The following OSTN variants were observed in gnomAD, a reference collection of about 807,000 sequenced individuals.
OSTN encodes osteocrin.
A neutral mutation model predicts 12.0 loss-of-function variants in OSTN; 9 were observed. The observed-to-expected ratio is 0.75, with a 90% CI of 0.45 to 1.30. The LOEUF is 1.30. OSTN is among the 50% of genes most tolerant of loss of function. The pLI is 0.00. For missense variants in OSTN, 148 were observed against 152.3 expected, an observed-to-expected ratio of 0.97 and a Z score of 0.15; for synonymous variants, 59 against 56.9, an observed-to-expected ratio of 1.04 and a Z score of -0.16.
chr3:191,233,568 C>G (rs1379150567), intron 3 of OSTN, among the ~76,000 whole-genome samples: 1 of 152,130 alleles, frequency 6.6e-6, no homozygotes, highest in African/African-American at 2.4e-5. Flanking sequence ...TACCAAGTAG[C>G]TGGGACTCCT....
chr3:191,262,737 T>C (rs1165205771), intron 4 of OSTN, 129 bp from the exon 5 acceptor site: 8 of 540,386 alleles, frequency 1.5e-5, no homozygotes, highest in Admixed American at 3.2e-5. Context: ...AAAATTGCCA[T>C]GTAAATAAAG....
chr3:191,213,062 G>C (rs928524923), intron 2 of OSTN, among the ~76,000 whole-genome samples: 4 of 151,298 alleles, frequency 2.6e-5, no homozygotes, highest in Admixed American at 2.6e-4. Context: ...GTAGAGACAG[G>C]GTTTCACCAT....
chr3:191,210,743 T>G (rs1335907380), intron 1 of OSTN, among the ~76,000 whole-genome samples: 1 of 152,186 alleles, frequency 6.6e-6, no homozygotes, highest in Admixed American at 6.5e-5. Context: ...TAGAGTTTCT[T>G]GAGACTTGTC....
At chr3:191,248,553 T>C (rs1029315935) in intron 3 of OSTN, among the ~76,000 whole-genome samples, 42 of 150,892 alleles carry the variant, frequency 2.8e-4, no homozygotes, top group African/African-American at 1.0e-3. Context: ...GCAAATATTT[T>C]CTTGACTGTT....
intron 2 of OSTN, among the ~76,000 whole-genome samples, chr3:191,218,520 A>G (rs948464440): frequency 3.3e-5 from 5 of 152,166 alleles, no homozygotes; most frequent in African/African-American, 1.2e-4. Context: ...CTACTTGGGA[A>G]GCCGAAGCAG....
chr3:191,199,524 A>G (rs1222646583), intron 1 of OSTN, among the ~76,000 whole-genome samples: 1 of 152,032 alleles, frequency 6.6e-6, no homozygotes, highest in Non-Finnish European at 1.5e-5. Context: ...TATTTATAAG[A>G]TTGCTTTTCT....
intron 3 of OSTN, among the ~76,000 whole-genome samples, chr3:191,235,353 G>A (rs930630232): frequency 6.6e-6 from 1 of 152,206 alleles, no homozygotes; most frequent in African/African-American, 2.4e-5. Context: ...CATCCTGGAA[G>A]GCTTCAGTGG....
chr3:191,247,764 T>A (rs1479140763), intron 3 of OSTN, among the ~76,000 whole-genome samples: 1 of 152,240 alleles, frequency 6.6e-6, no homozygotes, highest in Non-Finnish European at 1.5e-5. Flanking sequence ...TTAGAACTTA[T>A]CAATGTTTAT....
intron 3 of OSTN, among the ~76,000 whole-genome samples, chr3:191,219,236 A>G (rs989823047): frequency 1.3e-5 from 2 of 152,196 alleles, no homozygotes; most frequent in Non-Finnish European, 2.9e-5. Context: ...ATAAGACATT[A>G]CTGCATTTGG....
At chr3:191,202,756 A>G (rs905235429) in intron 1 of OSTN, among the ~76,000 whole-genome samples, 1 of 152,228 alleles carries the variant, frequency 6.6e-6, no homozygotes, top group African/African-American at 2.4e-5. Context: ...TGGAACGGCC[A>G]GCCGATATGT....
intron 4 of OSTN, among the ~76,000 whole-genome samples, chr3:191,255,084 G>C (rs1190465190): frequency 6.6e-6 from 1 of 152,150 alleles, no homozygotes; most frequent in Non-Finnish European, 1.5e-5. Flanking sequence ...GGGAGGAAAT[G>C]GTTTTGGGAT....
chr3:191,220,856 T>C, intron 3 of OSTN, among the ~76,000 whole-genome samples: 1 of 152,308 alleles, frequency 6.6e-6, no homozygotes. Flanking sequence ...ATAAATACTA[T>C]AGTATACTAA....
At chr3:191,258,539 C>T (rs980938928) in intron 4 of OSTN, among the ~76,000 whole-genome samples, 1 of 151,410 alleles carries the variant, frequency 6.6e-6, no homozygotes, top group Non-Finnish European at 1.5e-5. Context: ...ACACCAAATG[C>T]ACGCGGGGTT....
chr3:191,238,006 G>C (rs1715234473), intron 3 of OSTN, among the ~76,000 whole-genome samples: 1 of 152,176 alleles, frequency 6.6e-6, no homozygotes, highest in Non-Finnish European at 1.5e-5. Context: ...AAGGTAAAAA[G>C]TCTAACATTT....
intron 1 of OSTN, among the ~76,000 whole-genome samples, chr3:191,204,142 G>C (rs1057006433): frequency 7.9e-5 from 12 of 152,098 alleles, no homozygotes; most frequent in African/African-American, 2.9e-4. Flanking sequence ...TGCCCACCTC[G>C]GCATCCCAAA....
At chr3:191,213,701 T>C (rs1714524874) in intron 2 of OSTN, among the ~76,000 whole-genome samples, 1 of 151,968 alleles carries the variant, frequency 6.6e-6, no homozygotes, top group South Asian at 2.1e-4. Flanking sequence ...ATGTTCTTTG[T>C]GTTTCTTAAA....
chr3:191,260,757 T>C (rs958092622), intron 4 of OSTN, among the ~76,000 whole-genome samples: 1 of 152,146 alleles, frequency 6.6e-6, no homozygotes, highest in Non-Finnish European at 1.5e-5. Flanking sequence ...TAGTCAGATG[T>C]CAAGCTCTCC....
intron 3 of OSTN, among the ~76,000 whole-genome samples, chr3:191,227,253 T>C (rs1461480120): frequency 6.6e-6 from 1 of 152,182 alleles, no homozygotes; most frequent in East Asian, 1.9e-4. Flanking sequence ...ACATTCTTGT[T>C]ATAAGAAAAA....
Position 191,258,457 on chromosome 3 carries a change from C to T in OSTN, c.*13-4409C>T, listed in dbSNP as rs554840860. 3.9e-5 allele frequency among the ~76,000 whole-genome samples: 6 copies of T among 151,922 alleles called. No homozygotes were observed. In the South Asian group the frequency reaches 1.2e-3, roughly 32 times the overall value. On this transcript the variant is annotated intron_variant, in intron 4 of 4. Transcript: ENST00000682035. ...GTTGAACAATGAGAACACATGGACACAGGGAGGGGAACATCACATACCAGG... is the reference window on the plus strand; with the variant it reads ...GTTGAACAATGAGAACACATGGACATAGGGAGGGGAACATCACATACCAGG...
Sources: gnomAD v4.1 joint callset for allele counts (sites outside exome capture counted in the v4.1 genomes callset) on GRCh38, gnomAD v4.1.1 for gene constraint, MANE v1.5 for transcripts, NCBI Gene and HGNC (gene_info 2026-07-23, HGNC 2026-07-21) for gene names.